SUGCT: variants seen among roughly 807,000 people sequenced by gnomAD.
SUGCT encodes succinyl-CoA:glutarate CoA-transferase.
SUGCT carries 41 observed loss-of-function variants against 55.0 expected under a neutral mutation model. The observed-to-expected ratio is 0.74, with a 90% CI of 0.58 to 0.97. SUGCT has a LOEUF of 0.97. Ranked by LOEUF, SUGCT falls within the 50% of genes least tolerant of loss-of-function variation. SUGCT has a pLI of 0.00. For synonymous variants in SUGCT, 187 were observed against 200.4 expected (o/e 0.93, Z 0.56); for missense variants, 568 against 547.8 (o/e 1.04, Z -0.37).
chr7:40,858,697 G>A (rs550317413), intron 13 of SUGCT, among the ~76,000 whole-genome samples: 4 of 152,290 alleles, frequency 2.6e-5, no homozygotes, highest in African/African-American at 9.6e-5. Flanking sequence ...CTGCCTCCCA[G>A]TGTCTGCTAT....
intron 12 of SUGCT, chr7:40,539,563 GA>G (rs1456682999): frequency 6.6e-6 from 1 of 152,138 alleles, no homozygotes; most frequent in East Asian, 1.9e-4. Context: ...AGTTGTTCTA[GA>G]GAAGCAAAAC....
At chr7:40,783,057 T>C (rs1287419581) in intron 13 of SUGCT, among the ~76,000 whole-genome samples, 1 of 152,144 alleles carries the variant, frequency 6.6e-6, no homozygotes, top group Non-Finnish European at 1.5e-5. Context: ...CAGTTGATTC[T>C]GTGCTGAGGA....
chr7:40,377,327 C>T (rs547804662), intron 9 of SUGCT, among the ~76,000 whole-genome samples: 68 of 149,678 alleles, frequency 4.5e-4, no homozygotes, highest in Non-Finnish European at 6.1e-4. Context: ...ACTGCAACCT[C>T]CGCCTCCCGG....
At chr7:40,871,329 C>A in the SUGCT span, among the ~76,000 whole-genome samples, 1 of 152,158 alleles carries the variant, frequency 6.6e-6, no homozygotes, top group Non-Finnish European at 1.5e-5. Flanking sequence ...GTCTGAACAT[C>A]ATCCTCTGAA....
intron 9 of SUGCT, among the ~76,000 whole-genome samples, chr7:40,324,412 T>A (rs11764519): frequency 6.6e-6 from 1 of 150,702 alleles, no homozygotes; most frequent in African/African-American, 2.4e-5. Context: ...TACGTCACCA[T>A]GCCAGGCTAA....
At chr7:40,155,788 A>G (rs916184988) in intron 1 of SUGCT, among the ~76,000 whole-genome samples, 2 of 152,116 alleles carry the variant, frequency 1.3e-5, no homozygotes, top group African/African-American at 2.4e-5. Flanking sequence ...AGAAAATTTA[A>G]GTATAAATGT....
intron 12 of SUGCT, among the ~76,000 whole-genome samples, chr7:40,518,255 C>G (rs1239218659): frequency 6.6e-6 from 1 of 152,100 alleles, no homozygotes; most frequent in Admixed American, 6.6e-5. Context: ...GCCTTGAAAC[C>G]AGTTATTTTG....
intron 1 of SUGCT, among the ~76,000 whole-genome samples, chr7:40,175,518 A>G (rs1784884368): frequency 6.6e-6 from 1 of 151,944 alleles, no homozygotes; most frequent in South Asian, 2.1e-4. Context: ...CCGCACCTGG[A>G]CTGTGTTTCT....
At chr7:40,525,308 G>A (rs1316476885) in intron 12 of SUGCT, among the ~76,000 whole-genome samples, 2 of 152,152 alleles carry the variant, frequency 1.3e-5, no homozygotes, top group Non-Finnish European at 2.9e-5. Flanking sequence ...ACTGTGATTG[G>A]AGTGTAGGGT....
At chr7:40,814,954 C>CT (rs879390548) in intron 13 of SUGCT, among the ~76,000 whole-genome samples, 3 of 152,046 alleles carry the variant, frequency 2.0e-5, no homozygotes, top group Non-Finnish European at 2.9e-5. Flanking sequence ...GGTCTTTTGG[C>CT]TTTGTTTCTA....
At chr7:40,948,280 G>A in the SUGCT span, among the ~76,000 whole-genome samples, 2 of 152,144 alleles carry the variant, frequency 1.3e-5, no homozygotes, top group East Asian at 1.9e-4. Flanking sequence ...TGCAACTGAC[G>A]ATCATGTTCC....
At chr7:40,995,380 C>CCGT in the SUGCT span, among the ~76,000 whole-genome samples, 1 of 44,144 alleles carries the variant, frequency 2.3e-5, no homozygotes, top group African/African-American at 1.3e-4. Context: ...CCTATAATAG[C>CCGT]TGTTATTATT....
chr7:40,539,448 A>G (rs1309466405), intron 12 of SUGCT: 3 of 152,232 alleles, frequency 2.0e-5, no homozygotes, highest in Non-Finnish European at 4.4e-5. Context: ...GTAGTCCAGC[A>G]CATTCAGAAA....
chr7:40,439,310 A>G (rs1345610302), intron 9 of SUGCT, among the ~76,000 whole-genome samples: 1 of 151,028 alleles, frequency 6.6e-6, no homozygotes, highest in South Asian at 2.1e-4. Context: ...GACTACTCCT[A>G]CACCTCATCA....
intron 12 of SUGCT, among the ~76,000 whole-genome samples, chr7:40,662,702 T>G (rs79762191): frequency 6.6e-6 from 1 of 152,240 alleles, no homozygotes; most frequent in African/African-American, 2.4e-5. Flanking sequence ...TGCATGACTA[T>G]AGAAGCTAAA....
intron 12 of SUGCT, among the ~76,000 whole-genome samples, chr7:40,617,302 T>G (rs1562903154): frequency 6.6e-6 from 1 of 152,166 alleles, no homozygotes; most frequent in Non-Finnish European, 1.5e-5. Context: ...GTCCTAGGCT[T>G]TGAATAAGAT....
chr7:40,407,371 T>A (rs757542418), intron 9 of SUGCT, among the ~76,000 whole-genome samples: 1 of 152,062 alleles, frequency 6.6e-6, no homozygotes, highest in Non-Finnish European at 1.5e-5. Flanking sequence ...AAAGTTAGCA[T>A]TTGTCAGGAT....
At chr7:40,931,521 G>C in the SUGCT span, among the ~76,000 whole-genome samples, 5 of 152,090 alleles carry the variant, frequency 3.3e-5, no homozygotes, top group African/African-American at 9.7e-5. Flanking sequence ...TTGTAGTTTT[G>C]CTAGAATTCG....
intron 12 of SUGCT, among the ~76,000 whole-genome samples, chr7:40,529,144 A>T (rs1793956016): frequency 6.6e-6 from 1 of 152,190 alleles, no homozygotes; most frequent in Non-Finnish European, 1.5e-5. Flanking sequence ...GAACAGTGTT[A>T]CTTCTCCATC....
Sources: gnomAD v4.1 joint callset for allele counts (sites outside exome capture counted in the v4.1 genomes callset) on GRCh38, gnomAD v4.1.1 for gene constraint, MANE v1.5 for transcripts, NCBI Gene and HGNC (gene_info 2026-07-23, HGNC 2026-07-21) for gene names.